The following NRK variants were observed in gnomAD, a reference collection of about 807,000 sequenced individuals.
The protein encoded by NRK is nik-related protein kinase.
In NRK, 67 loss-of-function variants were observed where a neutral mutation model predicts 125.2. The observed-to-expected ratio is 0.54, with a 90% CI of 0.44 to 0.66. NRK has a LOEUF of 0.66. NRK is among the 30% of genes least tolerant of loss of function. The probability of loss-of-function intolerance (pLI) is 0.00; values close to 1 mark genes in which losing one functional copy is unlikely to be tolerated. For missense variants in NRK, 1,224 were observed against 1,192.9 expected (o/e 1.03, Z -0.38); for synonymous variants, 458 against 429.0 (o/e 1.07, Z -0.84).
rs189504309 is a variant in NRK, at chrX:105,873,085, T to G, written c.124-7114T>G. On this transcript the variant is annotated intron_variant, in intron 2 of 28. Coordinates refer to ENST00000243300, the MANE Select transcript of NRK (RefSeq NM_198465.4). Reference sequence around the variant, plus strand: ...GGCCTTCTGCCACCAGAAAACCGATTGAAAAGAACGAAAGAATGCCCTGGG... The same window carrying G: ...GGCCTTCTGCCACCAGAAAACCGATGGAAAAGAACGAAAGAATGCCCTGGG... Among the ~76,000 whole-genome samples, 3 of 111,728 alleles carry G rather than the reference T, an allele frequency of 2.7e-5. No homozygotes were observed. The East Asian group carries it at 8.5e-4, about 32-fold the overall frequency.
intron 2 of NRK, among the ~76,000 whole-genome samples, chrX:105,878,544 T>C (rs1169052246): frequency 9.0e-6 from 1 of 111,730 alleles, no homozygotes; most frequent in Non-Finnish European, 1.9e-5. Flanking sequence ...TATTACTTCA[T>C]GGATTGATCC....
chrX:105,834,611 G>T (rs1171595309), intron 2 of NRK, among the ~76,000 whole-genome samples: 1 of 110,434 alleles, frequency 9.1e-6, no homozygotes, highest in Non-Finnish European at 1.9e-5. Context: ...TACTCTATTT[G>T]CTTTCTTCTT....
At chrX:105,829,279 A>T (rs955997877) in intron 1 of NRK, among the ~76,000 whole-genome samples, 35 of 112,346 alleles carry the variant, frequency 3.1e-4, no homozygotes, top group African/African-American at 1.1e-3. Context: ...GTTTTGCTAG[A>T]TTACACAAAT....
intron 14 of NRK, among the ~76,000 whole-genome samples, chrX:105,913,076 A>G (rs1425794865): frequency 1.8e-5 from 2 of 111,895 alleles, no homozygotes; most frequent in Non-Finnish European, 3.8e-5. Context: ...AAGTCTCTTA[A>G]ATCTATCTTG....
Position 105,909,678 on chromosome X carries a change from A to G in NRK, c.2037A>G (p.Glu679=), listed in dbSNP as rs1384559713. The change falls in exon 13 of 29, where the codon GAA becomes GAG. Residue 679 remains glutamate, a synonymous_variant. Transcript: ENST00000243300. ...LSSNRFYSQP[E]QAREKKSKVS... is the part of the protein sequence containing the mutation. ...CAAATAGGTTTTACTCACAACCAGA[A>G]CAGGCACGGGAGAAAAAATCAAAAG... 8.4e-7 allele frequency: 1 copy of G among 1,191,417 alleles called. No homozygotes were observed.
chrX:105,917,666 G>A lies in NRK; in HGVS notation c.2506G>A (p.Ala836Thr). 1 of 1,114,239 alleles carries A rather than the reference G, an allele frequency of 9.0e-7. No individual in the cohort carries two copies. Among genetic ancestry groups the A allele is most frequent in the Non-Finnish European group, 1.2e-6 (1 of 829,487 alleles). 91.8% of individuals were successfully genotyped at this position (1,114,239 alleles called of 1,213,427 possible). ...GCAAAATCGTCAAAATTGGCTGGCA[G>A]CATCAGGTGATTCAAAGCACAAAAT... ...SSQNRQNWLA[A>T]SESSSEEESP... The change falls in exon 16 of 29, where the codon GCA becomes ACA. Residue 836 changes from alanine to threonine, a missense_variant. Physicochemically the swap from Ala to Thr is moderately conservative, Grantham distance 58. Coordinates refer to ENST00000243300, the MANE Select transcript of NRK (RefSeq NM_198465.4).
intron 2 of NRK, among the ~76,000 whole-genome samples, chrX:105,879,206 C>T (rs2039855514): frequency 1.8e-5 from 2 of 110,646 alleles, no homozygotes; most frequent in Admixed American, 9.8e-5. Flanking sequence ...CATATGACCT[C>T]ATCATAGTTT....
At chrX:105,897,948 C>A (rs1176243531) in intron 7 of NRK, among the ~76,000 whole-genome samples, 2 of 111,501 alleles carry the variant, frequency 1.8e-5, no homozygotes, top group African/African-American at 6.5e-5. Flanking sequence ...GAATAAATAA[C>A]CCCAGCCTAC....
chrX:105,940,590 A>G (rs759775207), intron 23 of NRK, among the ~76,000 whole-genome samples: 1 of 111,273 alleles, frequency 9.0e-6, no homozygotes, highest in East Asian at 2.8e-4. Context: ...TATAATCACT[A>G]ATTGTTTTCC....
rs368049096 is a variant in NRK at position 105,949,622 on chromosome X, C to G, written c.4401C>G (p.Cys1467Trp). 19 of 1,197,823 alleles carry G rather than the reference C, an allele frequency of 1.6e-5. No individual in the cohort carries two copies. The highest frequency in any genetic ancestry group is 2.0e-5 in the Non-Finnish European group (18 of 883,736). ...IPQNIIILPD[C>W]LGIGMMLTFN... ...AGAATATCATCATTTTACCTGATTG[C>G]TTGGGAATTGGCATGATGCTCACCT... The change falls in exon 27 of 29, where the codon TGC (cysteine) becomes TGG (tryptophan). Residue 1467 changes from cysteine to tryptophan, a missense_variant. Cys to Trp is a radical substitution (Grantham distance 215). Coordinates refer to ENST00000243300, the MANE Select transcript of NRK (RefSeq NM_198465.4).
rs996126571 is a variant in NRK, at chrX:105,925,173, AGGTGGATCCTTATTACCTCTAATTTG to A, written c.3312+148_3312+173del. ...TAAACATTTTTAATTATAGGTTTGT[AGGTGGATCCTTATTACCTCTAATTTG>A]GGTGGTTCCTATTTACTTCCAAAGA... On this transcript the variant is annotated intron_variant, in intron 19 of 28. Transcript: ENST00000243300. 30 of 453,958 alleles carry A rather than the reference AGGTGGATCCTTATTACCTCTAATTTG, an allele frequency of 6.6e-5. No individual in the cohort carries two copies. The African/African-American group carries it at 6.9e-4, about 10-fold the overall frequency. The allele number at this position is 453,958 out of a possible 1,213,427, so 37.4% of individuals were successfully genotyped here. A position where few individuals can be genotyped will look rare whatever the true frequency, so the allele number is the denominator to read the frequency against.
At chrX:105,856,009 A>G (rs1003469444) in intron 2 of NRK, among the ~76,000 whole-genome samples, 2 of 111,791 alleles carry the variant, frequency 1.8e-5, no homozygotes, top group African/African-American at 6.5e-5. Flanking sequence ...GCTTCTATTG[A>G]TCAGTTTCCT....
At chrX:105,896,955 G>C (rs770486005) in intron 7 of NRK, among the ~76,000 whole-genome samples, 1 of 112,541 alleles carries the variant, frequency 8.9e-6, no homozygotes, top group Non-Finnish European at 1.9e-5. Context: ...CACTGTGTTC[G>C]CATATAGAGC....
chrX:105,822,502 C>A (rs1435477242), upstream of NRK: 10 of 289,774 alleles, frequency 3.5e-5, no homozygotes, highest in East Asian at 7.3e-4. Flanking sequence ...TGCACCGCCC[C>A]CCTCCCCACC....
At chrX:105,853,165 G>A (rs1174674400) in intron 2 of NRK, among the ~76,000 whole-genome samples, 1 of 111,530 alleles carries the variant, frequency 9.0e-6, no homozygotes, top group Non-Finnish European at 1.9e-5. Flanking sequence ...TCAAAGTTTG[G>A]CCTCTTGACT....
At chrX:105,902,852 C>T (rs1161952993) in intron 9 of NRK, among the ~76,000 whole-genome samples, 1 of 111,300 alleles carries the variant, frequency 9.0e-6, no homozygotes. Flanking sequence ...AAACCAACCC[C>T]CTACCCCTAG....
chrX:105,846,290 A>C (rs1435138251), intron 2 of NRK, among the ~76,000 whole-genome samples: 3 of 111,086 alleles, frequency 2.7e-5, no homozygotes, highest in Non-Finnish European at 5.7e-5. Flanking sequence ...TGTGATTTTT[A>C]AGTTAAATTA....
intron 2 of NRK, among the ~76,000 whole-genome samples, chrX:105,852,861 C>A (rs2039488967): frequency 8.9e-6 from 1 of 111,902 alleles, no homozygotes; most frequent in African/African-American, 3.2e-5. Flanking sequence ...TCTGCTCAAA[C>A]CTCCCCAAGC....
chrX:105,823,015 C>T lies in NRK; in HGVS notation c.57+113C>T, dbSNP rs2039042813. 10 of 710,180 alleles carry T rather than the reference C, an allele frequency of 1.4e-5. No individual in the cohort carries two copies. The South Asian group carries it at 1.5e-4, about 11-fold the overall frequency. The allele number at this position is 710,180 out of a possible 1,213,427, so 58.5% of individuals were successfully genotyped here. ...GGGCTAGACCAGGACTTCGACGGGT[C>T]CCCCGGGCGCGGAAGGGGATCCTGG... On this transcript the variant is annotated intron_variant, in intron 1 of 28. Transcript: ENST00000243300.
Sources: allele counts gnomAD v4.1 joint callset (sites outside exome capture counted in the v4.1 genomes callset), GRCh38; gene constraint gnomAD v4.1.1; transcripts MANE v1.5; gene names NCBI Gene and HGNC (gene_info 2026-07-23, HGNC 2026-07-21).